The following LRRC36 variants were observed in gnomAD, a reference collection of about 807,000 sequenced individuals.
LRRC36 encodes leucine rich repeat containing 36, also known as leucine-rich repeat-containing protein 36.
LRRC36 carries 62 observed loss-of-function variants against 81.1 expected under a neutral mutation model. The observed-to-expected ratio is 0.76, with a 90% CI of 0.62 to 0.94. The LOEUF is 0.94. Among genes scored for constraint, LRRC36 ranks in the 40% least tolerant of loss-of-function variants. The pLI is 0.00. For synonymous variants in LRRC36, 334 were observed against 348.6 expected (o/e 0.96, Z 0.47); for missense variants, 761 against 881.7 (o/e 0.86, Z 1.73).
intron 13 of LRRC36, among the ~76,000 whole-genome samples, chr16:67,384,377 T>C (rs1226242777): frequency 6.6e-6 from 1 of 152,082 alleles, no homozygotes; most frequent in Non-Finnish European, 1.5e-5. Context: ...GAGGTTGCAG[T>C]GAGCCAAGAT....
intron 8 of LRRC36, among the ~76,000 whole-genome samples, chr16:67,369,632 G>T (rs569011634): frequency 1.3e-5 from 2 of 152,296 alleles, no homozygotes; most frequent in South Asian, 4.1e-4. Flanking sequence ...AAAGGAAAGA[G>T]GTTTAATTGA....
At chr16:67,328,962 G>C (rs938465248) in intron 1 of LRRC36, among the ~76,000 whole-genome samples, 1 of 151,978 alleles carries the variant, frequency 6.6e-6, no homozygotes, top group Admixed American at 6.6e-5. Flanking sequence ...CAGGCTCTAG[G>C]GCAGTGGCGT....
chr16:67,357,700 C>T (rs774299403), intron 5 of LRRC36, among the ~76,000 whole-genome samples: 1 of 152,122 alleles, frequency 6.6e-6, no homozygotes, highest in African/African-American at 2.4e-5. Context: ...AGACAGACTC[C>T]GAATGAAGAG....
chr16:67,352,208 A>C, intron 5 of LRRC36, among the ~76,000 whole-genome samples: 1 of 152,332 alleles, frequency 6.6e-6, no homozygotes, highest in East Asian at 1.9e-4. Context: ...TTTTTAATAT[A>C]AAATTTATTT....
chr16:67,350,114 A>G (rs767618820), intron 4 of LRRC36, 88 bp from the exon 5 acceptor site: 2 of 894,600 alleles, frequency 2.2e-6, no homozygotes, highest in South Asian at 1.5e-5. Context: ...TCTGATCACC[A>G]TAGACTGCTT....
At chr16:67,338,574 A>G (rs997243771) in intron 1 of LRRC36, among the ~76,000 whole-genome samples, 5 of 152,204 alleles carry the variant, frequency 3.3e-5, no homozygotes, top group African/African-American at 9.6e-5. Flanking sequence ...AACATCAATG[A>G]AATTTTTGTA....
Position 67,365,333 on chromosome 16 carries a change from A to G in LRRC36, c.732A>G (p.Pro244=). The G allele has an allele frequency of 6.2e-7, 1 of 1,613,336 alleles. No homozygotes were observed. The highest frequency in any genetic ancestry group is 1.7e-5 in the Admixed American group (1 of 59,812). Residue 244 remains proline, a synonymous_variant, in exon 7 of 14, where the codon CCA becomes CCG. Coordinates refer to ENST00000329956, the MANE Select transcript of LRRC36 (RefSeq NM_018296.6). ...QTQEVARREM[P]SDNHQEDEFR... is the part of the protein sequence containing the mutation. ...AGGAAGTAGCAAGAAGGGAGATGCC[A>G]AGTGACAATCACCAGGAAGATGGTA...
chr16:67,332,127 A>G (rs1252744967), intron 1 of LRRC36, among the ~76,000 whole-genome samples: 1 of 152,172 alleles, frequency 6.6e-6, no homozygotes, highest in African/African-American at 2.4e-5. Context: ...TTGATTTGTT[A>G]TTTTCAAATA....
At chr16:67,333,626 T>C (rs1477538812) in intron 1 of LRRC36, among the ~76,000 whole-genome samples, 1 of 152,218 alleles carries the variant, frequency 6.6e-6, no homozygotes, top group African/African-American at 2.4e-5. Context: ...TCTGGGTATT[T>C]CATATCATTG....
At chr16:67,332,006 GA>G (rs2037518230) in intron 1 of LRRC36, among the ~76,000 whole-genome samples, 1 of 151,384 alleles carries the variant, frequency 6.6e-6, no homozygotes, top group South Asian at 2.1e-4. Flanking sequence ...AAAAGAAAAA[GA>G]AAAAGTTTTA....
rs747972987 is a variant in LRRC36 at position 67,376,901 on chromosome 16, A to G, written c.1806+29A>G. 7 of 1,583,064 alleles carry G rather than the reference A, an allele frequency of 4.4e-6. No individual in the cohort carries two copies. In the South Asian group the frequency reaches 6.8e-5, roughly 15 times the overall value. ...TGCCCCTCTCATCTCCCTTTAGAAA[A>G]GGACAGAGCAGCAGAACTACAACAT... is the stretch of plus-strand genomic sequence containing the variant. On this transcript the variant is annotated intron_variant, in intron 11 of 13. Coordinates refer to ENST00000329956, the MANE Select transcript of LRRC36 (RefSeq NM_018296.6).
At chr16:67,336,080 G>A (rs1364774369) in intron 1 of LRRC36, among the ~76,000 whole-genome samples, 1 of 152,096 alleles carries the variant, frequency 6.6e-6, no homozygotes, top group Non-Finnish European at 1.5e-5. Flanking sequence ...TCATATAGTT[G>A]GAATCATATA....
At chr16:67,349,219 T>C (rs1365543246) in intron 4 of LRRC36, among the ~76,000 whole-genome samples, 1 of 152,268 alleles carries the variant, frequency 6.6e-6, no homozygotes, top group Middle Eastern at 3.5e-3. Flanking sequence ...TTATTTACCA[T>C]ATAATGATTG....
chr16:67,382,381 G>C, intron 13 of LRRC36, 134 bp downstream of exon 13: 1 of 612,974 alleles, frequency 1.6e-6, no homozygotes, highest in South Asian at 2.1e-5. Flanking sequence ...TCCTGTATCT[G>C]GCCAGTTAGC....
Position 67,346,372 on chromosome 16 carries a change from A to G in LRRC36, c.315A>G (p.Arg105=). The G allele has an allele frequency of 6.2e-7, 1 of 1,612,148 alleles. No homozygotes were observed. Among genetic ancestry groups the G allele is most frequent in the Non-Finnish European group, 8.5e-7 (1 of 1,178,306 alleles). ...PLPFLKELDL[R]LNPVVRKDTD... is the part of the protein sequence containing the mutation. Reference sequence around the variant, plus strand: ...CCTTCCTCAAAGAACTGGATTTGAGACTTAATCCTGTTGTAAGGAAAGATA... The same window carrying G: ...CCTTCCTCAAAGAACTGGATTTGAGGCTTAATCCTGTTGTAAGGAAAGATA... Residue 105 remains arginine (R), a synonymous_variant, in exon 3 of 14, where the codon AGA becomes AGG. Coordinates refer to ENST00000329956, the MANE Select transcript of LRRC36 (RefSeq NM_018296.6).
intron 2 of LRRC36, 37 bp from the exon 3 acceptor site, chr16:67,346,219 C>T: frequency 1.5e-6 from 2 of 1,325,128 alleles, no homozygotes; most frequent in South Asian, 3.1e-5. Context: ...TAGTCTTTAC[C>T]AATATGCCAT....
intron 5 of LRRC36, among the ~76,000 whole-genome samples, chr16:67,359,858 C>T (rs1316950326): frequency 2.0e-5 from 3 of 152,118 alleles, no homozygotes; most frequent in Non-Finnish European, 4.4e-5. Flanking sequence ...CATGGTGGCT[C>T]ACTACTGTAA....
At chr16:67,379,987 G>T (rs1317545444) in intron 12 of LRRC36, among the ~76,000 whole-genome samples, 1 of 151,730 alleles carries the variant, frequency 6.6e-6, no homozygotes, top group East Asian at 1.9e-4. Flanking sequence ...TTTTATAATG[G>T]TTATATAATA....
intron 5 of LRRC36, among the ~76,000 whole-genome samples, chr16:67,360,596 G>C (rs999229260): frequency 2.6e-5 from 4 of 152,220 alleles, no homozygotes; most frequent in Non-Finnish European, 4.4e-5. Flanking sequence ...CAAAAAGGTT[G>C]ATAGCTCATG....
Sources: gnomAD v4.1 joint callset for allele counts (sites outside exome capture counted in the v4.1 genomes callset) on GRCh38, gnomAD v4.1.1 for gene constraint, MANE v1.5 for transcripts, NCBI Gene and HGNC (gene_info 2026-07-23, HGNC 2026-07-21) for gene names.